Variants in NBEAL1 observed in about 807,000 individuals in gnomAD.
NBEAL1 encodes neurobeachin like 1.
Under a neutral mutation model 351.3 loss-of-function variants are expected in NBEAL1, and 273 were observed. The observed-to-expected ratio is 0.78, with a 90% confidence interval of 0.70 to 0.86. The LOEUF (loss-of-function observed/expected upper bound fraction) is 0.86. Among genes scored for constraint, NBEAL1 ranks in the 40% least tolerant of loss-of-function variants. The pLI is 0.00. For synonymous variants in NBEAL1, 1,050 were observed against 1,086.4 expected (o/e 0.97, Z 0.66); for missense variants, 2,961 against 3,201.3 (o/e 0.92, Z 1.81).
chr2:203,103,446 A>G (rs2062370084), intron 12 of NBEAL1, among the ~76,000 whole-genome samples: 1 of 151,684 alleles, frequency 6.6e-6, no homozygotes. Flanking sequence ...TAATTTTCGT[A>G]TTTTTAGTAG....
chr2:203,095,487 T>C (rs1381415414), intron 10 of NBEAL1, among the ~76,000 whole-genome samples: 1 of 151,970 alleles, frequency 6.6e-6, no homozygotes, highest in Non-Finnish European at 1.5e-5. Flanking sequence ...GGAGACGGGG[T>C]TTCCCCATGT....
At chr2:203,211,643 CAAAA>C (rs983728148) in intron 54 of NBEAL1, among the ~76,000 whole-genome samples, 1 of 151,942 alleles carries the variant, frequency 6.6e-6, no homozygotes, top group African/African-American at 2.4e-5. Flanking sequence ...GACCCTGTCT[CAAAA>C]GAAATGTTTT....
intron 20 of NBEAL1, 117 bp from the exon 21 acceptor site, chr2:203,125,843 A>C (rs2062925848): frequency 3.0e-5 from 25 of 828,784 alleles, no homozygotes; most frequent in Admixed American, 2.6e-4. Flanking sequence ...AGAGCGTTGG[A>C]AGCTGACTGC....
chr2:203,172,651 T>A (rs1229788983), intron 40 of NBEAL1, 78 bp from the exon 41 acceptor site: 7 of 1,281,978 alleles, frequency 5.5e-6, no homozygotes, highest in Non-Finnish European at 7.3e-6. Flanking sequence ...TGTCTTTAGA[T>A]AACCATTTGA....
At chr2:203,089,124 C>T (rs1005607702) in intron 10 of NBEAL1, among the ~76,000 whole-genome samples, 6 of 151,948 alleles carry the variant, frequency 3.9e-5, no homozygotes, top group Non-Finnish European at 2.9e-5. Context: ...TTTGGGAGGC[C>T]GAGGCAGGCA....
chr2:203,145,550 C>G lies in NBEAL1; in HGVS notation c.5304+390C>G, dbSNP rs147317161. 9.0e-3 allele frequency among the ~76,000 whole-genome samples: 1,375 copies of G among 152,178 alleles called. 25 individuals carry two copies. Among genetic ancestry groups the G allele is most frequent in the African/African-American group, 0.031 (1,290 of 41,528 alleles). On this transcript the variant is annotated intron_variant, in intron 33 of 55. Coordinates refer to ENST00000683969, the MANE Select transcript of NBEAL1 (RefSeq NM_001378026.1). ...AGGTGGCTCACACGTGTAATCCCCA[C>G]ACTTTGGGAGGCCGAGGTGGATGGA...
At chr2:203,105,603 A>G (rs982251554) in intron 12 of NBEAL1, among the ~76,000 whole-genome samples, 6 of 152,196 alleles carry the variant, frequency 3.9e-5, no homozygotes, top group Non-Finnish European at 5.9e-5. Context: ...TCACTATGTA[A>G]ATTCTGAAGT....
chr2:203,058,652 C>A (rs2061445835), intron 6 of NBEAL1, among the ~76,000 whole-genome samples: 1 of 152,164 alleles, frequency 6.6e-6, no homozygotes, highest in South Asian at 2.1e-4. Context: ...ATTAAGAATT[C>A]TTGCTGGAGT....
chr2:203,031,636 CAT>C, intron 2 of NBEAL1, among the ~76,000 whole-genome samples: 1 of 152,004 alleles, frequency 6.6e-6, no homozygotes, highest in East Asian at 1.9e-4. Flanking sequence ...ATCTTAGAAT[CAT>C]AGAAATATGA....
In NBEAL1 at chr2:203,057,384, T is replaced by C; in HGVS notation, c.446T>C (p.Val149Ala). ...MADQTCIEEFVIHALAFCESL... is the reference protein window; with the variant it reads ...MADQTCIEEFAIHALAFCESL... ...GATCAGACATGTATTGAAGAATTTG[T>C]GATCCACGCATTGGCATTTTGTGAA... The change falls in exon 6 of 56, where the codon GTG becomes GCG. Residue 149 changes from valine (V) to alanine (A), a missense_variant. Physicochemically the swap from Val to Ala is moderately conservative, Grantham distance 64. Coordinates refer to ENST00000683969, the MANE Select transcript of NBEAL1 (RefSeq NM_001378026.1). 1.3e-6 allele frequency: 2 copies of C among 1,552,774 alleles called. No homozygotes were observed. The highest frequency in any genetic ancestry group is 1.7e-6 in the Non-Finnish European group (2 of 1,146,764).
At chr2:203,166,358 T>C in intron 37 of NBEAL1, 61 bp downstream of exon 37, 1 of 1,446,598 alleles carries the variant, frequency 6.9e-7, no homozygotes, top group Non-Finnish European at 9.4e-7. Flanking sequence ...AATTTATCAA[T>C]CATGAATGAG....
chr2:203,034,913 A>T (rs2061017825), intron 2 of NBEAL1, among the ~76,000 whole-genome samples: 1 of 149,254 alleles, frequency 6.7e-6, no homozygotes, highest in South Asian at 2.1e-4. Context: ...ACTTAAATGA[A>T]CTTTTAAAAT....
intron 10 of NBEAL1, among the ~76,000 whole-genome samples, chr2:203,089,259 T>G (rs1326573639): frequency 6.6e-6 from 1 of 151,390 alleles, no homozygotes; most frequent in Non-Finnish European, 1.5e-5. Flanking sequence ...TTCGGGAGGC[T>G]GAGGCAAGAG....
At chr2:203,180,901 A>G (rs1487679933) in intron 43 of NBEAL1, 1 of 114,280 alleles carries the variant, frequency 8.8e-6, no homozygotes, top group Non-Finnish European at 1.8e-5. Context: ...TCATGTCTTT[A>G]TATATACAGT....
At chr2:203,115,766 A>T (rs1233596017) in intron 17 of NBEAL1, among the ~76,000 whole-genome samples, 4 of 152,248 alleles carry the variant, frequency 2.6e-5, no homozygotes, top group African/African-American at 9.6e-5. Flanking sequence ...AATACTATAT[A>T]AAAAAAATTT....
chr2:203,161,491 T>C (rs943557525), intron 36 of NBEAL1, among the ~76,000 whole-genome samples: 8 of 151,550 alleles, frequency 5.3e-5, no homozygotes, highest in African/African-American at 1.7e-4. Flanking sequence ...TAGCCAGGCA[T>C]GGTGGCACGT....
chr2:203,151,061 G>A (rs1315704583), intron 34 of NBEAL1, among the ~76,000 whole-genome samples: 1 of 152,234 alleles, frequency 6.6e-6, no homozygotes, highest in Non-Finnish European at 1.5e-5. Flanking sequence ...GCTGGGCATG[G>A]TGGCTCACAC....
At chr2:203,190,727 A>G (rs2065046819) in intron 46 of NBEAL1, 8 of 1,596,938 alleles carry the variant, frequency 5.0e-6, no homozygotes, top group Non-Finnish European at 6.8e-6. Flanking sequence ...CCAAGGTGCA[A>G]CTTTCTTCGG....
chr2:203,175,308 C>G, intron 42 of NBEAL1, 21 bp downstream of exon 42: 2 of 1,612,392 alleles, frequency 1.2e-6, no homozygotes, highest in East Asian at 4.5e-5. Context: ...AGTAAATAAG[C>G]TATTTTTTTA....
Sources: allele counts gnomAD v4.1 joint callset (sites outside exome capture counted in the v4.1 genomes callset), GRCh38; gene constraint gnomAD v4.1.1; transcripts MANE v1.5; gene names NCBI Gene and HGNC (gene_info 2026-07-23, HGNC 2026-07-21).